Variants in KCNH7 observed in about 807,000 individuals in gnomAD.
KCNH7 encodes voltage-gated inwardly rectifying potassium channel KCNH7.
Under a neutral mutation model 120.8 loss-of-function variants are expected in KCNH7, and 49 were observed. The ratio of observed to expected loss-of-function variants is 0.41; its 90% CI spans 0.32 to 0.51. The LOEUF is 0.51. KCNH7 is among the 20% of genes least tolerant of loss of function. KCNH7 has a pLI of 0.38. For synonymous variants in KCNH7, 547 were observed against 516.1 expected (o/e 1.06, Z -0.81); for missense variants, 1,097 against 1,446.6 (o/e 0.76, Z 3.92).
Position 162,522,794 on chromosome 2 carries a change from A to G in KCNH7, c.464-4636T>C, listed in dbSNP as rs1057470298. Among the ~76,000 whole-genome samples the G allele has an allele frequency of 7.2e-5, 11 of 152,022 alleles. No homozygotes were observed. The South Asian group carries it at 2.3e-3, about 31-fold the overall frequency. On this transcript the variant is annotated intron_variant, in intron 3 of 15. Transcript: ENST00000332142. ...TGCTTACATGATTATAATTTTGTTT[A>G]AACACATCCTTTTCATCTAAGAAGG...
At chr2:162,727,070 T>C (rs1278015122) in intron 2 of KCNH7, among the ~76,000 whole-genome samples, 3 of 152,218 alleles carry the variant, frequency 2.0e-5, no homozygotes, top group Non-Finnish European at 1.5e-5. Context: ...ATACAGATAC[T>C]TTTTATTCAA....
chr2:162,536,383 C>T (rs1463273574), intron 3 of KCNH7, among the ~76,000 whole-genome samples: 1 of 151,862 alleles, frequency 6.6e-6, no homozygotes, highest in East Asian at 1.9e-4. Context: ...AATTGAGGTA[C>T]TACTTCTCAC....
chr2:162,424,987 C>G (rs1314177564), intron 8 of KCNH7, among the ~76,000 whole-genome samples: 1 of 152,120 alleles, frequency 6.6e-6, no homozygotes, highest in Non-Finnish European at 1.5e-5. Flanking sequence ...GTTCAGTAAA[C>G]AAGTAAAGCA....
At chr2:162,785,189 G>C (rs1281251519) in intron 2 of KCNH7, 1 of 152,158 alleles carries the variant, frequency 6.6e-6, no homozygotes, top group African/African-American at 2.4e-5. Flanking sequence ...TTAGTTTTAA[G>C]AATCAACTTA....
At chr2:162,592,101 T>A (rs553725307) in intron 2 of KCNH7, among the ~76,000 whole-genome samples, 1 of 152,110 alleles carries the variant, frequency 6.6e-6, no homozygotes, top group African/African-American at 2.4e-5. Context: ...TTAACAAAAA[T>A]ATAGGCAAAG....
chr2:162,408,646 C>A (rs1480779583), intron 9 of KCNH7, among the ~76,000 whole-genome samples: 1 of 151,870 alleles, frequency 6.6e-6, no homozygotes, highest in African/African-American at 2.4e-5. Flanking sequence ...TCTCCCCCTG[C>A]CTATCCCAAC....
At chr2:162,691,214 G>C (rs901225117) in intron 2 of KCNH7, among the ~76,000 whole-genome samples, 1 of 152,154 alleles carries the variant, frequency 6.6e-6, no homozygotes, top group African/African-American at 2.4e-5. Context: ...AATTCATAGA[G>C]AAGACAGAGT....
intron 3 of KCNH7, among the ~76,000 whole-genome samples, chr2:162,530,867 T>C (rs931302436): frequency 6.6e-6 from 1 of 151,934 alleles, no homozygotes; most frequent in Non-Finnish European, 1.5e-5. Flanking sequence ...GAAGTCGAAA[T>C]TGAGTAGTAT....
chr2:162,509,706 C>T (rs1373328408), intron 5 of KCNH7, among the ~76,000 whole-genome samples: 1 of 151,484 alleles, frequency 6.6e-6, no homozygotes, highest in Non-Finnish European at 1.5e-5. Flanking sequence ...TGACAAGATA[C>T]TGGGTAATGG....
chr2:162,511,847 C>A (rs1302771390), intron 5 of KCNH7, among the ~76,000 whole-genome samples: 1 of 151,688 alleles, frequency 6.6e-6, no homozygotes, highest in African/African-American at 2.4e-5. Context: ...CACACATGCA[C>A]AAAATAAGTC....
At chr2:162,606,206 T>C (rs951814701) in intron 2 of KCNH7, among the ~76,000 whole-genome samples, 2 of 152,108 alleles carry the variant, frequency 1.3e-5, no homozygotes, top group Non-Finnish European at 2.9e-5. Context: ...CCATGAATTT[T>C]TTTTCCAGAA....
chr2:162,486,205 C>T (rs748914294), intron 6 of KCNH7, among the ~76,000 whole-genome samples: 10 of 152,098 alleles, frequency 6.6e-5, no homozygotes, highest in Non-Finnish European at 1.3e-4. Context: ...TCTACCTGGG[C>T]CATTAAAGTG....
Position 162,435,550 on chromosome 2 carries a change from A to T in KCNH7, c.1602T>A (p.Leu534=). Residue 534 remains leucine, a synonymous_variant, in exon 8 of 16, where the codon CTT becomes CTA. Transcript: ENST00000332142. ...GLLKTARLLR[L]VRVARKLDRY... ...GATCCAGTTTCCTGGCCACGCGCAC[A>T]AGACGGAGGAGTCGGGCAGTCTTCA... The T allele has an allele frequency of 6.2e-7, 1 of 1,611,828 alleles. No homozygotes were observed. Among genetic ancestry groups the T allele is most frequent in the Non-Finnish European group, 8.5e-7 (1 of 1,178,612 alleles).
intron 2 of KCNH7, among the ~76,000 whole-genome samples, chr2:162,630,289 T>C (rs1398123299): frequency 6.6e-6 from 1 of 152,036 alleles, no homozygotes; most frequent in Non-Finnish European, 1.5e-5. Context: ...TAGAGGAGCA[T>C]AAAGGTTCAA....
intron 7 of KCNH7, among the ~76,000 whole-genome samples, chr2:162,438,740 C>T (rs1688333711): frequency 6.6e-6 from 1 of 152,160 alleles, no homozygotes; most frequent in Non-Finnish European, 1.5e-5. Context: ...GCGGCTAACA[C>T]ATCTGGGCAT....
rs756926811 is a variant in KCNH7, at chr2:162,449,615, C to T, written c.1129-3172G>A. 6.1e-4 allele frequency among the ~76,000 whole-genome samples: 92 copies of T among 151,926 alleles called. 1 individual carries two copies. Among genetic ancestry groups the T allele is most frequent in the Admixed American group, 2.0e-3 (31 of 15,214 alleles). On this transcript the variant is annotated intron_variant, in intron 6 of 15. Transcript: ENST00000332142. ...GACAGAAAGACACACAACCAAAATG[C>T]CATGTGTCACGGGAGCAGATACAGC... is the stretch of plus-strand genomic sequence containing the variant.
At chr2:162,456,489 T>C (rs2105589603) in intron 6 of KCNH7, among the ~76,000 whole-genome samples, 1 of 152,286 alleles carries the variant, frequency 6.6e-6, no homozygotes, top group South Asian at 2.1e-4. Flanking sequence ...TCTACTGATT[T>C]GGGGTGGAGA....
intron 2 of KCNH7, among the ~76,000 whole-genome samples, chr2:162,826,556 A>C (rs1685294487): frequency 6.6e-6 from 1 of 152,140 alleles, no homozygotes; most frequent in Non-Finnish European, 1.5e-5. Flanking sequence ...GTTAATAATT[A>C]ATTTCTCAGT....
In KCNH7 at chr2:162,683,688, C is replaced by A. The variant is rs569171248; in HGVS notation, c.308-146608G>T. On this transcript the variant is annotated intron_variant, in intron 2 of 15. Transcript: ENST00000332142. ...ATTCAATCATAGCATTTTCTGGTATCAACAATTAATTTTTAGTACTTGTTG... is the reference window on the plus strand; with the variant it reads ...ATTCAATCATAGCATTTTCTGGTATAAACAATTAATTTTTAGTACTTGTTG... 6.6e-5 allele frequency among the ~76,000 whole-genome samples: 10 copies of A among 151,934 alleles called. No homozygotes were observed. In the South Asian group the frequency reaches 1.5e-3, roughly 22 times the overall value.
Sources: allele counts gnomAD v4.1 joint callset (sites outside exome capture counted in the v4.1 genomes callset), GRCh38; gene constraint gnomAD v4.1.1; transcripts MANE v1.5; gene names NCBI Gene and HGNC (gene_info 2026-07-23, HGNC 2026-07-21).